The following NTNG1 variants were observed in gnomAD, a reference collection of about 807,000 sequenced individuals.
NTNG1 encodes the protein netrin G1, also known as netrin-G1.
In NTNG1, 16 loss-of-function variants were observed where a neutral mutation model predicts 54.0. The ratio of observed to expected loss-of-function variants is 0.30; its 90% CI spans 0.20 to 0.45. The LOEUF (loss-of-function observed/expected upper bound fraction) is 0.45, where lower values mean the gene tolerates loss of function less well. Among genes scored for constraint, NTNG1 ranks in the 20% least tolerant of loss-of-function variants. The pLI is 1.00. For synonymous variants in NTNG1, 255 were observed against 263.1 expected (o/e 0.97, Z 0.30); for missense variants, 530 against 678.7 (o/e 0.78, Z 2.43).
intron 2 of NTNG1, among the ~76,000 whole-genome samples, chr1:107,263,138 T>C (rs1467162238): frequency 1.3e-5 from 2 of 152,150 alleles, no homozygotes; most frequent in African/African-American, 4.8e-5. Context: ...CCCTGAAGCT[T>C]TGAAATGTGG....
Position 107,396,035 on chromosome 1 carries a change from C to T in NTNG1, c.1060+709C>T, listed in dbSNP as rs139163513. ...CCCTGATTCCCCATAGGAAAACAGG[C>T]TCTGACATGCTCACAGAGAAATGTG... is the stretch of plus-strand genomic sequence containing the variant. On this transcript the variant is annotated intron_variant, in intron 4 of 7. Coordinates refer to ENST00000370068, the MANE Select transcript of NTNG1 (RefSeq NM_001113226.3). Among the ~76,000 whole-genome samples, 9 of 152,340 alleles carry T rather than the reference C, an allele frequency of 5.9e-5. No homozygotes were observed. The East Asian group carries it at 1.7e-3, about 29-fold the overall frequency.
chr1:107,389,340 T>C (rs1672218735), intron 3 of NTNG1, among the ~76,000 whole-genome samples: 1 of 152,266 alleles, frequency 6.6e-6, no homozygotes, highest in South Asian at 2.1e-4. Flanking sequence ...TTTTGAACAT[T>C]AGTAATAGGC....
intron 7 of NTNG1, among the ~76,000 whole-genome samples, chr1:107,476,759 C>T (rs1678359126): frequency 6.6e-6 from 1 of 152,172 alleles, no homozygotes; most frequent in Non-Finnish European, 1.5e-5. Context: ...AAACACCACC[C>T]TCCTTCTAAG....
intron 2 of NTNG1, among the ~76,000 whole-genome samples, chr1:107,150,162 T>A (rs1426991809): frequency 6.6e-6 from 1 of 152,176 alleles, no homozygotes; most frequent in East Asian, 1.9e-4. Context: ...TAGGTGTCAC[T>A]GTTACTAAAG....
intron 2 of NTNG1, among the ~76,000 whole-genome samples, chr1:107,149,163 T>C (rs1459882922): frequency 6.6e-6 from 1 of 152,224 alleles, no homozygotes; most frequent in Non-Finnish European, 1.5e-5. Context: ...GTTGGAAATA[T>C]GATTAGGTCA....
Position 107,411,412 on chromosome 1 carries a change from G to A in NTNG1, c.1087+3704G>A, listed in dbSNP as rs11582586. The stretch of plus-strand genomic sequence containing the variant: ...GTTTTCATACTTGAAAACATTTTAT[G>A]CCAGTTGGAGACCTGGTAAAAGTTG... On this transcript the variant is annotated intron_variant, in intron 5 of 7. Coordinates refer to ENST00000370068, the MANE Select transcript of NTNG1 (RefSeq NM_001113226.3). Among the ~76,000 whole-genome samples, 364 of 152,262 alleles carry A rather than the reference G, an allele frequency of 2.4e-3. 1 individual carries two copies. Among genetic ancestry groups the A allele is most frequent in the Middle Eastern group, 0.014 (4 of 294 alleles).
Position 107,151,999 on chromosome 1 carries a change from C to CAT in NTNG1, c.246+3170_246+3171dup, listed in dbSNP as rs374098012. Among the ~76,000 whole-genome samples, 287 of 151,388 alleles carry CAT rather than the reference C, an allele frequency of 1.9e-3. 1 individual carries two copies. Among genetic ancestry groups the CAT allele is most frequent in the African/African-American group, 6.5e-3 (268 of 41,264 alleles). On this transcript the variant is annotated intron_variant, in intron 2 of 7. Transcript: ENST00000370068. ...AGAGGAATATATATATATGCACACA[C>CAT]ATATATATATACACACACATACATA...
At chr1:107,204,374 ACTT>A (rs1393584089) in intron 2 of NTNG1, among the ~76,000 whole-genome samples, 2 of 152,124 alleles carry the variant, frequency 1.3e-5, no homozygotes, top group African/African-American at 4.8e-5. Context: ...GTTTCTGGAT[ACTT>A]CTTATCTCTT....
chr1:107,267,295 T>C (rs916339465), intron 2 of NTNG1, among the ~76,000 whole-genome samples: 1 of 152,212 alleles, frequency 6.6e-6, no homozygotes, highest in African/African-American at 2.4e-5. Flanking sequence ...TTGACCATTA[T>C]TCAAGGAAGA....
At chr1:107,342,558 A>C (rs1326995184) in intron 3 of NTNG1, among the ~76,000 whole-genome samples, 1 of 152,144 alleles carries the variant, frequency 6.6e-6, no homozygotes, top group South Asian at 2.1e-4. Context: ...TAGAGAAACC[A>C]TCTGCTCCAT....
At chr1:107,339,809 T>G (rs965862771) in intron 3 of NTNG1, among the ~76,000 whole-genome samples, 1 of 152,044 alleles carries the variant, frequency 6.6e-6, no homozygotes, top group African/African-American at 2.4e-5. Context: ...TGTAAACTCT[T>G]AAGTATTTTG....
chr1:107,290,963 T>TTATATATATATA (rs71976757), intron 2 of NTNG1, among the ~76,000 whole-genome samples: 60 of 142,524 alleles, frequency 4.2e-4, no homozygotes, highest in African/African-American at 1.5e-3. Flanking sequence ...TATATATATA[T>TTATATATATATA]TATATATATA....
At chr1:107,472,840 C>T (rs1014927172) in intron 7 of NTNG1, among the ~76,000 whole-genome samples, 3 of 152,146 alleles carry the variant, frequency 2.0e-5, no homozygotes, top group African/African-American at 7.2e-5. Flanking sequence ...AAGTTTCTTC[C>T]ATGGCCCAGG....
At chr1:107,354,596 A>G (rs190415791) in intron 3 of NTNG1, among the ~76,000 whole-genome samples, 196 of 152,202 alleles carry the variant, frequency 1.3e-3, no homozygotes, top group African/African-American at 4.4e-3. Flanking sequence ...GTAAAACCCT[A>G]TGCTCAGCTA....
At chr1:107,480,347 A>G (rs1168138031) in intron 7 of NTNG1, among the ~76,000 whole-genome samples, 5 of 152,194 alleles carry the variant, frequency 3.3e-5, no homozygotes, top group African/African-American at 1.2e-4. Flanking sequence ...TTTGTATTCT[A>G]TAGCCTGAAA....
intron 2 of NTNG1, among the ~76,000 whole-genome samples, chr1:107,153,139 G>T (rs1390346135): frequency 6.6e-6 from 1 of 152,156 alleles, no homozygotes; most frequent in African/African-American, 2.4e-5. Flanking sequence ...GGAATTTACG[G>T]AAGTGGTACA....
rs113291034 is a variant in NTNG1 at position 107,189,972 on chromosome 1, A to C, written c.246+41133A>C. ...AAAATGTAGTATATACATACAATAG[A>C]ATATTAGCCTTAAAAAAGAATGAAA... On this transcript the variant is annotated intron_variant, in intron 2 of 7. Coordinates refer to ENST00000370068, the MANE Select transcript of NTNG1 (RefSeq NM_001113226.3). Among the ~76,000 whole-genome samples, 1,064 of 152,266 alleles carry C rather than the reference A, an allele frequency of 7.0e-3. 9 individuals are homozygous for C. Among genetic ancestry groups the C allele is most frequent in the African/African-American group, 0.024 (993 of 41,562 alleles).
At position 107,484,357 on chromosome 1, in the gene NTNG1, C is replaced by A. The variant is rs1378762828; in HGVS notation, c.*3517C>A. ...ACAGTCTAAGAATTCTAAATCTATACCTGGGCTTCCAAGGGTTATGAAAGC... is the reference window on the plus strand; with the variant it reads ...ACAGTCTAAGAATTCTAAATCTATAACTGGGCTTCCAAGGGTTATGAAAGC... On this transcript the variant is annotated 3_prime_UTR_variant, in exon 8 of 8. Transcript: ENST00000370068. 1.3e-5 allele frequency among the ~76,000 whole-genome samples: 2 copies of A among 152,168 alleles called. No individual in the cohort carries two copies. Among genetic ancestry groups the A allele is most frequent in the African/African-American group, 4.8e-5 (2 of 41,434 alleles).
chr1:107,241,902 C>T lies in NTNG1; in HGVS notation c.247-82380C>T, dbSNP rs528700196. ...TTGAACTGACTTAAAAGAGTTGTGA[C>T]CTCCTGCATCACCGTGCTCACAGAC... is the stretch of plus-strand genomic sequence containing the variant. On this transcript the variant is annotated intron_variant, in intron 2 of 7. Coordinates refer to ENST00000370068, the MANE Select transcript of NTNG1 (RefSeq NM_001113226.3). 3.3e-5 allele frequency among the ~76,000 whole-genome samples: 5 copies of T among 152,240 alleles called. No individual in the cohort carries two copies. The South Asian group carries it at 1.0e-3, about 32-fold the overall frequency.
Sources: gnomAD v4.1 joint callset for allele counts (sites outside exome capture counted in the v4.1 genomes callset) on GRCh38, gnomAD v4.1.1 for gene constraint, MANE v1.5 for transcripts, NCBI Gene and HGNC (gene_info 2026-07-23, HGNC 2026-07-21) for gene names.